RYR3: variants seen among roughly 807,000 people sequenced by gnomAD.
RYR3 encodes the protein ryanodine receptor 3, also known as brain ryanodine receptor-calcium release channel.
In RYR3, 207 loss-of-function variants were observed where a neutral mutation model predicts 584.3. The ratio of observed to expected loss-of-function variants is 0.35; its 90% CI spans 0.32 to 0.40. RYR3 has a LOEUF of 0.40. RYR3 is among the 10% of genes least tolerant of loss of function. RYR3 has a pLI of 1.00. For synonymous variants in RYR3, 2,416 were observed against 2,248.5 expected, an observed-to-expected ratio of 1.07 and a Z score of -2.11; for missense variants, 5,616 against 6,089.2, an observed-to-expected ratio of 0.92 and a Z score of 2.59.
At chr15:33,620,616 C>T (rs2060679544) in intron 19 of RYR3, among the ~76,000 whole-genome samples, 1 of 152,194 alleles carries the variant, frequency 6.6e-6, no homozygotes. Flanking sequence ...ATTTTGTTAC[C>T]TTCTTTCAGT....
At chr15:33,810,414 CAGG>C (rs1320986148) in intron 70 of RYR3, 62 bp from the exon 71 acceptor site, 100 of 1,556,264 alleles carry the variant, frequency 6.4e-5, no homozygotes, top group Middle Eastern at 1.7e-4. Context: ...CTGCCTCTGA[CAGG>C]AGGCCGTTCC....
chr15:33,331,323 T>C (rs1331705624), intron 1 of RYR3, among the ~76,000 whole-genome samples: 3 of 152,168 alleles, frequency 2.0e-5, no homozygotes, highest in Non-Finnish European at 4.4e-5. Flanking sequence ...AAAAATGTGT[T>C]CTTAAATCCA....
chr15:33,653,684 T>G (rs1255236779), intron 32 of RYR3, among the ~76,000 whole-genome samples: 5 of 148,742 alleles, frequency 3.4e-5, no homozygotes, highest in Non-Finnish European at 7.5e-5. Context: ...AAAAAAAAAA[T>G]ACATTTATAT....
At chr15:33,643,749 A>C (rs910071871) in intron 27 of RYR3, among the ~76,000 whole-genome samples, 1 of 152,220 alleles carries the variant, frequency 6.6e-6, no homozygotes, top group Non-Finnish European at 1.5e-5. Flanking sequence ...TATTTTAAAT[A>C]AATTTTATTT....
chr15:33,770,476 A>T (rs1236481225), intron 62 of RYR3, among the ~76,000 whole-genome samples: 1 of 152,152 alleles, frequency 6.6e-6, no homozygotes, highest in East Asian at 1.9e-4. Context: ...GAAGGGCCAG[A>T]TGCAGTGGCT....
At chr15:33,740,675 C>T (rs1164476399) in intron 51 of RYR3, among the ~76,000 whole-genome samples, 1 of 152,194 alleles carries the variant, frequency 6.6e-6, no homozygotes, top group African/African-American at 2.4e-5. Flanking sequence ...ATACAGTCAG[C>T]TCCAGGTGCA....
chr15:33,481,678 C>T (rs921851375), intron 2 of RYR3, among the ~76,000 whole-genome samples: 3 of 151,788 alleles, frequency 2.0e-5, no homozygotes, highest in African/African-American at 7.3e-5. Flanking sequence ...GATGGGGTTT[C>T]ACCATGTTGG....
chr15:33,617,974 G>A (rs1047372018), intron 19 of RYR3, among the ~76,000 whole-genome samples: 2 of 152,060 alleles, frequency 1.3e-5, no homozygotes, highest in Admixed American at 6.6e-5. Context: ...TGTAACAACC[G>A]TATTCATTAT....
intron 37 of RYR3, 114 bp from the exon 38 acceptor site, chr15:33,670,305 A>AGTATCTTT: frequency 9.6e-7 from 1 of 1,040,316 alleles, no homozygotes; most frequent in East Asian, 2.6e-5. Context: ...GAAAGCCTGT[A>AGTATCTTT]GTATCTTTAG....
intron 3 of RYR3, among the ~76,000 whole-genome samples, chr15:33,507,775 G>C (rs879420756): frequency 6.6e-6 from 1 of 151,956 alleles, no homozygotes; most frequent in Non-Finnish European, 1.5e-5. Context: ...ATTGGACCAG[G>C]TGACCTCTGG....
At chr15:33,326,071 T>G (rs1969659744) in intron 1 of RYR3, among the ~76,000 whole-genome samples, 1 of 152,194 alleles carries the variant, frequency 6.6e-6, no homozygotes, top group Non-Finnish European at 1.5e-5. Flanking sequence ...CCCAAAGTGC[T>G]GGGATTACAG....
intron 67 of RYR3, among the ~76,000 whole-genome samples, chr15:33,798,543 A>C (rs1596652417): frequency 6.6e-6 from 1 of 152,364 alleles, no homozygotes; most frequent in East Asian, 1.9e-4. Context: ...ACCTTCAGCT[A>C]TCTGATCCCT....
intron 2 of RYR3, among the ~76,000 whole-genome samples, chr15:33,481,605 C>T (rs1212562816): frequency 6.6e-5 from 10 of 152,156 alleles, no homozygotes; most frequent in Non-Finnish European, 1.3e-4. Flanking sequence ...CTCAGTCTCC[C>T]AAGTAGCTGG....
At chr15:33,404,595 T>TA (rs1455379778) in intron 1 of RYR3, among the ~76,000 whole-genome samples, 1 of 151,958 alleles carries the variant, frequency 6.6e-6, no homozygotes, top group African/African-American at 2.4e-5. Context: ...GTGTGTTTTT[T>TA]TTTTTTTTAC....
intron 32 of RYR3, among the ~76,000 whole-genome samples, chr15:33,654,478 C>G (rs573653250): frequency 1.3e-5 from 2 of 151,392 alleles, no homozygotes; most frequent in East Asian, 1.9e-4. Context: ...TCCACTGTAC[C>G]CTACTCTGAG....
In RYR3 at chr15:33,732,991, T is replaced by C. The variant is rs1409937005; in HGVS notation, c.7424+1297T>C. Among the ~76,000 whole-genome samples the C allele has an allele frequency of 2.0e-5, 3 of 152,152 alleles. No homozygotes were observed. In the East Asian group the frequency reaches 5.8e-4, roughly 29 times the overall value. On this transcript the variant is annotated intron_variant, in intron 48 of 103. Transcript: ENST00000634891. ...CTACCTGGAAAAAAAAACTCATCGG[T>C]CCTCACATCGATGTGAGTAGAACAT... is the stretch of plus-strand genomic sequence containing the variant.
chr15:33,656,523 T>C (rs12438462), intron 32 of RYR3, among the ~76,000 whole-genome samples: 51,637 of 151,996 alleles, frequency 0.34, 10,313 homozygotes, highest in Non-Finnish European at 0.46. Context: ...TACCACAAAA[T>C]TTAGCAGCTT....
chr15:33,401,267 A>G (rs1013686460), intron 1 of RYR3, among the ~76,000 whole-genome samples: 1 of 152,210 alleles, frequency 6.6e-6, no homozygotes, highest in Non-Finnish European at 1.5e-5. Flanking sequence ...CACTGTTTAC[A>G]CTCATAGAGC....
intron 32 of RYR3, among the ~76,000 whole-genome samples, chr15:33,654,280 C>A (rs1055432934): frequency 6.6e-6 from 1 of 151,860 alleles, no homozygotes; most frequent in South Asian, 2.1e-4. Context: ...TTGGGGAGGC[C>A]GAGGCAGACA....
Sources: allele counts gnomAD v4.1 joint callset (sites outside exome capture counted in the v4.1 genomes callset), GRCh38; gene constraint gnomAD v4.1.1; transcripts MANE v1.5; gene names NCBI Gene and HGNC (gene_info 2026-07-23, HGNC 2026-07-21).